DOCK10: variants seen among roughly 807,000 people sequenced by gnomAD.
The protein encoded by DOCK10 is dedicator of cytokinesis protein 10.
In DOCK10, 145 loss-of-function variants were observed where a neutral mutation model predicts 280.1. The observed-to-expected ratio is 0.52, with a 90% CI of 0.45 to 0.59. The LOEUF (loss-of-function observed/expected upper bound fraction) is 0.59. Ranked by LOEUF, DOCK10 falls within the 20% of genes least tolerant of loss-of-function variation. DOCK10 has a pLI of 0.00. For synonymous variants in DOCK10, 915 were observed against 942.2 expected (o/e 0.97, Z 0.53); for missense variants, 2,368 against 2,651.7 (o/e 0.89, Z 2.35).
At chr2:224,823,675 T>C (rs762494596) in intron 27 of DOCK10, 28 bp from the exon 28 acceptor site, 1 of 1,543,332 alleles carries the variant, frequency 6.5e-7, no homozygotes, top group Non-Finnish European at 8.7e-7. Flanking sequence ...TATATCTTTC[T>C]AATGTGGCAT....
At chr2:224,847,142 G>A (rs1253242424) in intron 19 of DOCK10, among the ~76,000 whole-genome samples, 1 of 152,136 alleles carries the variant, frequency 6.6e-6, no homozygotes, top group African/African-American at 2.4e-5. Context: ...ACAATATACT[G>A]AATGAAGGGC....
rs562500284 is a variant in DOCK10, at chr2:225,042,035, G to A, written c.123+217C>T. On this transcript the variant is annotated intron_variant, in intron 1 of 55. Transcript: ENST00000258390. This position sits in a 1 kb window ranked among gnomAD's most constrained non-coding sequence, Gnocchi z 5.1. ...ACGCAGCTGCTCCTCTGAGCGTCCCGCGTGCACAAACGCGCCCCCGGTCCT... is the reference window on the plus strand; with the variant it reads ...ACGCAGCTGCTCCTCTGAGCGTCCCACGTGCACAAACGCGCCCCCGGTCCT... Among the ~76,000 whole-genome samples the A allele has an allele frequency of 3.7e-4, 56 of 152,308 alleles. No individual in the cohort carries two copies. Among genetic ancestry groups the A allele is most frequent in the African/African-American group, 1.3e-3 (52 of 41,580 alleles).
At chr2:225,041,452 G>C (rs971263835) in intron 1 of DOCK10, among the ~76,000 whole-genome samples, 2 of 152,176 alleles carry the variant, frequency 1.3e-5, no homozygotes, top group African/African-American at 4.8e-5. Flanking sequence ...GAACATCTGG[G>C]TTGGTATGGA....
Position 224,770,534 on chromosome 2 carries a change from G to A in DOCK10, c.6305+11C>T, listed in dbSNP as rs1246042239. 16 of 1,609,276 alleles carry A rather than the reference G, an allele frequency of 9.9e-6. No individual in the cohort carries two copies. The highest frequency in any genetic ancestry group is 5.5e-5 in the South Asian group (5 of 90,970). On this transcript the variant is annotated intron_variant, in intron 54 of 55. Coordinates refer to ENST00000258390, the MANE Select transcript of DOCK10 (RefSeq NM_014689.3). This position sits in a 1 kb window ranked among gnomAD's most constrained non-coding sequence, Gnocchi z 4.5. ...GTTCAAGGAAGAACATCCCAACAGCGAGAAGCTTACCTGAAGATCTCCTTC... is the reference window on the plus strand; with the variant it reads ...GTTCAAGGAAGAACATCCCAACAGCAAGAAGCTTACCTGAAGATCTCCTTC...
intron 11 of DOCK10, 34 bp from the exon 12 acceptor site, chr2:224,865,121 A>G: frequency 1.3e-6 from 2 of 1,595,112 alleles, no homozygotes; most frequent in African/African-American, 2.7e-5. Flanking sequence ...TGTTTTTGAT[A>G]TAAAATCATT....
chr2:224,872,741 A>T (rs1253931367), intron 11 of DOCK10, among the ~76,000 whole-genome samples: 1 of 152,188 alleles, frequency 6.6e-6, no homozygotes. Context: ...CTGCCTTCGA[A>T]AGCCAATGTG....
At chr2:225,022,469 A>T (rs1486983453) in intron 1 of DOCK10, among the ~76,000 whole-genome samples, 2 of 152,220 alleles carry the variant, frequency 1.3e-5, no homozygotes, top group African/African-American at 4.8e-5. Flanking sequence ...CCTTACCCGT[A>T]GCAACTCTGT....
intron 1 of DOCK10, among the ~76,000 whole-genome samples, chr2:224,938,324 G>A (rs77339404): frequency 1.4e-3 from 217 of 152,190 alleles, no homozygotes; most frequent in African/African-American, 5.1e-3. Context: ...CTGTATCTGA[G>A]TGGCTTCTTT....
chr2:225,026,139 C>T (rs1462738077), intron 1 of DOCK10, among the ~76,000 whole-genome samples: 1 of 152,046 alleles, frequency 6.6e-6, no homozygotes, highest in Admixed American at 6.5e-5. Context: ...GAGTGGCATC[C>T]TTGGGTAATG....
intron 30 of DOCK10, among the ~76,000 whole-genome samples, chr2:224,815,278 C>T (rs1196228807): frequency 6.6e-6 from 1 of 152,168 alleles, no homozygotes; most frequent in Non-Finnish European, 1.5e-5. Context: ...GAGGGCTCCC[C>T]AGCCATATGG....
At chr2:224,815,650 C>T (rs930970745) in intron 30 of DOCK10, among the ~76,000 whole-genome samples, 1 of 151,946 alleles carries the variant, frequency 6.6e-6, no homozygotes, top group Non-Finnish European at 1.5e-5. Flanking sequence ...ATGTAATTTT[C>T]CCTCCAGAAT....
intron 12 of DOCK10, 69 bp from the exon 13 acceptor site, chr2:224,864,744 T>G: frequency 6.3e-7 from 1 of 1,576,180 alleles, no homozygotes; most frequent in Non-Finnish European, 8.6e-7. Flanking sequence ...AAATTCCATT[T>G]TTTTAAAAAA....
intron 1 of DOCK10, among the ~76,000 whole-genome samples, chr2:224,953,101 C>A (rs1272209770): frequency 6.6e-6 from 1 of 152,172 alleles, no homozygotes; most frequent in Non-Finnish European, 1.5e-5. Context: ...GATTTAGACA[C>A]ATGTACATGA....
chr2:224,961,601 G>A (rs1424744622), intron 1 of DOCK10, among the ~76,000 whole-genome samples: 1 of 150,652 alleles, frequency 6.6e-6, no homozygotes, highest in Non-Finnish European at 1.5e-5. Context: ...CCGCCTCCTG[G>A]GTTCAAGCGA....
chr2:225,020,193 A>G (rs1355312973), intron 1 of DOCK10, among the ~76,000 whole-genome samples: 3 of 151,564 alleles, frequency 2.0e-5, no homozygotes, highest in Non-Finnish European at 2.9e-5. Context: ...ATATTAAAGT[A>G]TATATATATA....
intron 41 of DOCK10, among the ~76,000 whole-genome samples, chr2:224,798,807 A>AT (rs1692768363): frequency 6.6e-6 from 1 of 151,668 alleles, no homozygotes; most frequent in Non-Finnish European, 1.5e-5. Flanking sequence ...AATTTTTTAA[A>AT]TTTTTTTGTA....
At chr2:224,765,892 C>T (rs1043619829) in intron 55 of DOCK10, 55 bp from the exon 56 acceptor site, 1 of 1,351,966 alleles carries the variant, frequency 7.4e-7, no homozygotes, top group Admixed American at 2.0e-5. Context: ...TGTTAATATC[C>T]CAAACACAAA....
chr2:225,040,247 A>G (rs1209913208), intron 1 of DOCK10, among the ~76,000 whole-genome samples: 2 of 152,098 alleles, frequency 1.3e-5, no homozygotes, highest in African/African-American at 4.8e-5. Context: ...GAGTTAACTG[A>G]TGGGATAGTA....
chr2:224,828,987 A>G (rs1695047188), intron 27 of DOCK10, among the ~76,000 whole-genome samples: 1 of 152,220 alleles, frequency 6.6e-6, no homozygotes, highest in Non-Finnish European at 1.5e-5. Flanking sequence ...ACATTGACTG[A>G]AGAGGTGATG....
Sources: allele counts gnomAD v4.1 joint callset (sites outside exome capture counted in the v4.1 genomes callset), GRCh38; gene constraint gnomAD v4.1.1; non-coding constraint Gnocchi (gnomAD v3.1); transcripts MANE v1.5; gene names NCBI Gene and HGNC (gene_info 2026-07-23, HGNC 2026-07-21).